BRD3: variants seen among roughly 807,000 people sequenced by gnomAD.
BRD3 encodes bromodomain-containing protein 3.
BRD3 carries 17 observed loss-of-function variants against 66.8 expected under a neutral mutation model. The observed-to-expected ratio is 0.25, with a 90% CI of 0.17 to 0.38. BRD3 has a LOEUF of 0.38. Among genes scored for constraint, BRD3 ranks in the 10% least tolerant of loss-of-function variants. The probability of loss-of-function intolerance (pLI) is 1.00; values close to 1 mark genes in which losing one functional copy is unlikely to be tolerated. For missense variants in BRD3, 713 were observed against 956.1 expected (o/e 0.75, Z 3.35); for synonymous variants, 421 against 393.2 (o/e 1.07, Z -0.84).
At position 134,047,992 on chromosome 9, in the gene BRD3, G is replaced by A. The variant is rs147178373; in HGVS notation, c.1086+91C>T. ...TCCGGCAAGCGAGACCCTGCTCCCC[G>A]ACAGCCCCCACTCAGCCGGCACAAG... is the stretch of plus-strand genomic sequence containing the variant. On this transcript the variant is annotated intron_variant, in intron 6 of 11. Transcript: ENST00000303407. 1,064 of 1,425,422 alleles carry A rather than the reference G, an allele frequency of 7.5e-4. 7 individuals carry two copies. The African/African-American group carries it at 0.012, about 16-fold the overall frequency. 88.3% of individuals were successfully genotyped at this position (1,425,422 alleles called of 1,614,324 possible). A position where few individuals can be genotyped will look rare whatever the true frequency, so the allele number is the denominator to read the frequency against.
At position 134,051,880 on chromosome 9, in the gene BRD3, GTTTTTTTTGTTTTT is replaced by G. The variant is rs1299981534; in HGVS notation, c.352-185_352-172del. ...GTGTGTGTGTGTGTGTGTGTGTGTT[GTTTTTTTTGTTTTT>G]TTTTTTTTTTTTTTGAGATGGAGTC... On this transcript the variant is annotated intron_variant, in intron 3 of 11. Transcript: ENST00000303407. Among the ~76,000 whole-genome samples, 149 of 113,632 alleles carry G rather than the reference GTTTTTTTTGTTTTT, an allele frequency of 1.3e-3. 1 individual carries two copies. The highest frequency in any genetic ancestry group is 8.5e-3 in the Middle Eastern group (2 of 234). The allele number at this position is 113,632 out of a possible 152,430, so 74.5% of individuals were successfully genotyped here.
At chr9:134,034,575 C>T in intron 11 of BRD3, 126 bp downstream of exon 11, 5 of 1,347,122 alleles carry the variant, frequency 3.7e-6, no homozygotes, top group Non-Finnish European at 5.0e-6. Context: ...AAGAGCTCGT[C>T]TAAGAACATG....
chr9:134,036,252 C>G lies in BRD3; in HGVS notation c.1716G>C (p.Met572Ile). The G allele has an allele frequency of 6.2e-7, 1 of 1,614,128 alleles. No homozygotes were observed. The highest frequency in any genetic ancestry group is 8.5e-7 in the Non-Finnish European group (1 of 1,180,018). The stretch of plus-strand genomic sequence containing the variant: ...TAAGCTGGCGCTTTTCATCGTAGCT[C>G]ATGGGCAGGCCCTCCTCCTCTTCCT... ...DSEEEEEGLPMSYDEKRQLSL... is the reference protein window; with the variant it reads ...DSEEEEEGLPISYDEKRQLSL... Residue 572 changes from methionine (M) to isoleucine (I), a missense_variant, in exon 10 of 12, where the codon ATG becomes ATC. Physicochemically the swap from Met to Ile is conservative, Grantham distance 10. This residue lies in a region of BRD3 where 418 missense variants were observed against 609.3 expected (regional missense o/e 0.69). Coordinates refer to ENST00000303407, the MANE Select transcript of BRD3 (RefSeq NM_007371.4).
Position 134,033,805 on chromosome 9 carries a change from C to G in BRD3, c.2066-100G>C. 1 of 614,476 alleles carries G rather than the reference C, an allele frequency of 1.6e-6. No individual in the cohort carries two copies. Among genetic ancestry groups the G allele is most frequent in the East Asian group, 2.8e-5 (1 of 35,998 alleles). The allele number at this position is 614,476 out of a possible 1,614,324, so 38.1% of individuals were successfully genotyped here. On this transcript the variant is annotated intron_variant, in intron 11 of 11. Transcript: ENST00000303407. This position sits in a 1 kb window ranked among gnomAD's most constrained non-coding sequence, Gnocchi z 5.1. ...AGCGTGACACCATCACACTGGGTGC[C>G]ACGACCCACCCACTTCCTGACCCAG...
intron 1 of BRD3, chr9:134,058,944 G>C (rs1029700724): frequency 6.6e-6 from 1 of 152,332 alleles, no homozygotes; most frequent in African/African-American, 2.4e-5. Flanking sequence ...CTGGGCACTG[G>C]AGGCTGTGCC....
At chr9:134,047,146 G>A (rs937756571) in intron 6 of BRD3, among the ~76,000 whole-genome samples, 20 of 152,236 alleles carry the variant, frequency 1.3e-4, no homozygotes, top group African/African-American at 4.8e-4. Context: ...AGCCAGGTCT[G>A]TCCTGCCCGA....
intron 1 of BRD3, among the ~76,000 whole-genome samples, chr9:134,059,005 T>G (rs1588299773): frequency 1.3e-5 from 2 of 152,254 alleles, no homozygotes; most frequent in East Asian, 1.9e-4. Flanking sequence ...GGGCACTGAT[T>G]CAACACTGAC....
intron 7 of BRD3, among the ~76,000 whole-genome samples, chr9:134,044,139 C>T (rs457420): frequency 0.41 from 62,256 of 152,014 alleles, 13,016 homozygotes; most frequent in East Asian, 0.63. Context: ...ACACAGTAAG[C>T]GAGGTCTCAG....
At chr9:134,034,482 C>T (rs552101290) in intron 11 of BRD3, 3 of 624,450 alleles carry the variant, frequency 4.8e-6, no homozygotes, top group Admixed American at 6.1e-5. Context: ...TGTGTTCACA[C>T]ACACTTGACA....
intron 6 of BRD3, among the ~76,000 whole-genome samples, chr9:134,047,062 C>T (rs1830186204): frequency 6.6e-6 from 1 of 152,238 alleles, no homozygotes; most frequent in African/African-American, 2.4e-5. Flanking sequence ...AGCTTCCCCA[C>T]CCACGGCAGT....
intron 10 of BRD3, 51 bp downstream of exon 10, chr9:134,035,981 C>T: frequency 1.3e-6 from 2 of 1,548,796 alleles, no homozygotes; most frequent in Non-Finnish European, 1.7e-6. Flanking sequence ...GAGGGGCAGG[C>T]CAAGGAGGGG....
intron 1 of BRD3, among the ~76,000 whole-genome samples, chr9:134,063,638 G>A (rs77650467): frequency 0.017 from 2,658 of 152,238 alleles, 78 homozygotes; most frequent in African/African-American, 0.061. Flanking sequence ...GTGCTCACAC[G>A]GAGGCTAAGG....
At chr9:134,064,473 G>A (rs575401012) in intron 1 of BRD3, among the ~76,000 whole-genome samples, 1 of 152,266 alleles carries the variant, frequency 6.6e-6, no homozygotes, top group Admixed American at 6.5e-5. Flanking sequence ...CCCAGGAGGT[G>A]GAGGTTGCAG....
chr9:134,030,392 G>A lies in BRD3; in HGVS notation c.*3198C>T, dbSNP rs1252997899. 1 of 134,420 alleles carries A rather than the reference G, an allele frequency of 7.4e-6. No homozygotes were observed. 8.3% of individuals were successfully genotyped at this position (134,420 alleles called of 1,614,324 possible). On this transcript the variant is annotated 3_prime_UTR_variant, in exon 12 of 12. Coordinates refer to ENST00000303407, the MANE Select transcript of BRD3 (RefSeq NM_007371.4). ...GTCCATGATTACCAGAAACATCAAA[G>A]AGTACTTTCTACCATTTTTATTCTG...
intron 8 of BRD3, among the ~76,000 whole-genome samples, chr9:134,041,173 T>G (rs1257189571): frequency 6.6e-6 from 1 of 152,238 alleles, no homozygotes; most frequent in African/African-American, 2.4e-5. Flanking sequence ...TCTCCCAATC[T>G]GGGGTCCCAG....
In BRD3 at chr9:134,033,849, T is replaced by C. The variant is rs1037808414; in HGVS notation, c.2066-144A>G. On this transcript the variant is annotated intron_variant, in intron 11 of 11. Coordinates refer to ENST00000303407, the MANE Select transcript of BRD3 (RefSeq NM_007371.4). This position sits in a 1 kb window ranked among gnomAD's most constrained non-coding sequence, Gnocchi z 5.1. ...GACCCAGTCGTTTAATAAGTATTTA[T>C]TGAAATTAATCAGGTCAACAAGACT... The C allele has an allele frequency of 1.7e-6, 1 of 582,662 alleles. No individual in the cohort carries two copies. Among genetic ancestry groups the C allele is most frequent in the African/African-American group, 1.9e-5 (1 of 53,422 alleles). The allele number at this position is 582,662 out of a possible 1,614,324, so 36.1% of individuals were successfully genotyped here.
At position 134,045,181 on chromosome 9, in the gene BRD3, T is replaced by C; in HGVS notation, c.1215+112A>G. 7.0e-7 allele frequency: 1 copy of C among 1,421,934 alleles called. No homozygotes were observed. Among genetic ancestry groups the C allele is most frequent in the Non-Finnish European group, 9.5e-7 (1 of 1,055,260 alleles). 88.1% of individuals were successfully genotyped at this position (1,421,934 alleles called of 1,614,324 possible). On this transcript the variant is annotated intron_variant, in intron 7 of 11. Transcript: ENST00000303407. The surrounding 1 kb of genome is among the most constrained non-coding windows in gnomAD (Gnocchi z 4.8). ...GAAAAAGGTGTTGAGGGAATGAGGC[T>C]CTCTAAGGCCTTCCTCGGCTGGACA...
chr9:134,033,783 G>T lies in BRD3; in HGVS notation c.2066-78C>A. On this transcript the variant is annotated intron_variant, in intron 11 of 11. Transcript: ENST00000303407. The surrounding 1 kb of genome is among the most constrained non-coding windows in gnomAD (Gnocchi z 5.1). The stretch of plus-strand genomic sequence containing the variant: ...TTGGCGGCATGTCGTCCATGCCAGC[G>T]TGACACCATCACACTGGGTGCCACG... 1.5e-6 allele frequency: 1 copy of T among 660,248 alleles called. No homozygotes were observed. The allele number at this position is 660,248 out of a possible 1,614,324, so 40.9% of individuals were successfully genotyped here.
In BRD3 at chr9:134,033,414, G is replaced by A. The variant is rs1843545112; in HGVS notation, c.*176C>T. 1.5e-5 allele frequency: 8 copies of A among 541,594 alleles called. No individual in the cohort carries two copies. The highest frequency in any genetic ancestry group is 6.1e-5 in the East Asian group (2 of 32,676). The allele number at this position is 541,594 out of a possible 1,614,324, so 33.5% of individuals were successfully genotyped here. On this transcript the variant is annotated 3_prime_UTR_variant, in exon 12 of 12. Coordinates refer to ENST00000303407, the MANE Select transcript of BRD3 (RefSeq NM_007371.4). This position sits in a 1 kb window ranked among gnomAD's most constrained non-coding sequence, Gnocchi z 5.1. ...TTCACACCTTCTCATCAAGTCTAACGCACACACAAGATAGATCTCTGACCT... is the reference window on the plus strand; with the variant it reads ...TTCACACCTTCTCATCAAGTCTAACACACACACAAGATAGATCTCTGACCT...
Sources: gnomAD v4.1 joint callset for allele counts (sites outside exome capture counted in the v4.1 genomes callset) on GRCh38, gnomAD v4.1.1 for gene constraint, gnomAD v4.1.1 regional missense constraint, Gnocchi (gnomAD v3.1) non-coding constraint, MANE v1.5 for transcripts, NCBI Gene and HGNC (gene_info 2026-07-23, HGNC 2026-07-21) for gene names.